Variants in SERPINI2 observed in about 807,000 individuals in gnomAD.
SERPINI2 encodes the protein serpin I2.
In SERPINI2, 48 loss-of-function variants were observed where a neutral mutation model predicts 47.3. The observed-to-expected ratio is 1.02, with a 90% CI of 0.81 to 1.29. The LOEUF is 1.29. SERPINI2 is among the 50% of genes most tolerant of loss of function. SERPINI2 has a pLI of 0.00. For missense variants in SERPINI2, 448 were observed against 456.9 expected (o/e 0.98, Z 0.18); for synonymous variants, 135 against 149.3 (o/e 0.90, Z 0.70).
chr3:167,444,763 T>C (rs976988775), intron 8 of SERPINI2, among the ~76,000 whole-genome samples: 1 of 152,174 alleles, frequency 6.6e-6, no homozygotes. Flanking sequence ...CAAACTGTCA[T>C]TAAGACCTGC....
At chr3:167,447,757 G>C (rs1471217483) in intron 7 of SERPINI2, among the ~76,000 whole-genome samples, 1 of 152,152 alleles carries the variant, frequency 6.6e-6, no homozygotes, top group African/African-American at 2.4e-5. Flanking sequence ...TGGAAAATTT[G>C]TCTACATGAT....
intron 5 of SERPINI2, among the ~76,000 whole-genome samples, chr3:167,454,219 G>A (rs1342468592): frequency 4.6e-5 from 7 of 152,220 alleles, no homozygotes; most frequent in Non-Finnish European, 1.0e-4. Flanking sequence ...TGGAAATACT[G>A]AATGAGCTTC....
chr3:167,471,818 A>G, exon 2 of SERPINI2: 1 of 1,611,096 alleles, frequency 6.2e-7, no homozygotes, highest in Admixed American at 1.7e-5. Flanking sequence ...AAGACTCCAC[A>G]AGAAGATTGT....
upstream of SERPINI2, among the ~76,000 whole-genome samples, chr3:167,476,220 T>C (rs548114995): frequency 6.6e-6 from 1 of 151,964 alleles, no homozygotes; most frequent in East Asian, 1.9e-4. Context: ...AGAAACAGTT[T>C]ATAATGCCTT....
chr3:167,445,756 A>G (rs936908097), intron 8 of SERPINI2, among the ~76,000 whole-genome samples: 2 of 152,160 alleles, frequency 1.3e-5, no homozygotes, highest in African/African-American at 4.8e-5. Flanking sequence ...TCTTACTCAC[A>G]AGAGAAAGTG....
chr3:167,465,211 G>T (rs760991181), exon 5 of SERPINI2: 1 of 1,607,520 alleles, frequency 6.2e-7, no homozygotes, highest in East Asian at 2.2e-5. Context: ...CCAACCTAGG[G>T]AGGCTTATTT....
intron 8 of SERPINI2, among the ~76,000 whole-genome samples, chr3:167,445,558 CCT>C (rs1336653502): frequency 6.6e-6 from 1 of 152,076 alleles, no homozygotes; most frequent in African/African-American, 2.4e-5. Flanking sequence ...AATTTCACAC[CCT>C]CTGTCTATAG....
At chr3:167,474,319 A>G (rs1298111091), upstream of SERPINI2, among the ~76,000 whole-genome samples, 1 of 151,746 alleles carries the variant, frequency 6.6e-6, no homozygotes, top group Non-Finnish European at 1.5e-5. Context: ...ATTTGAAAGG[A>G]TGCGCTACTG....
At chr3:167,471,220 G>C (rs1002227124) in intron 2 of SERPINI2, among the ~76,000 whole-genome samples, 3 of 152,018 alleles carry the variant, frequency 2.0e-5, no homozygotes, top group Non-Finnish European at 4.4e-5. Context: ...ACAACATAGT[G>C]ATAGTGGAAG....
At chr3:167,467,248 G>A (rs1750161899) in exon 3 of SERPINI2, 1 of 1,611,926 alleles carries the variant, frequency 6.2e-7, no homozygotes, top group African/African-American at 1.3e-5. Context: ...TCTCTGAGAT[G>A]GCAGAGAAAA....
chr3:167,455,403 C>G (rs75134983), intron 5 of SERPINI2, among the ~76,000 whole-genome samples: 141 of 151,930 alleles, frequency 9.3e-4, no homozygotes, highest in African/African-American at 3.3e-3. Flanking sequence ...GCCTCCAGGC[C>G]CTGTTGGGGA....
chr3:167,449,141 T>C (rs538894270), intron 7 of SERPINI2, among the ~76,000 whole-genome samples, 175 bp downstream of exon 7: 1 of 152,362 alleles, frequency 6.6e-6, no homozygotes, highest in Non-Finnish European at 1.5e-5. Flanking sequence ...TGTATCATGC[T>C]GTGACTGAAG....
chr3:167,475,142 T>A (rs1345953634), upstream of SERPINI2, among the ~76,000 whole-genome samples: 1 of 151,810 alleles, frequency 6.6e-6, no homozygotes, highest in African/African-American at 2.4e-5. Context: ...AAATGTTTTC[T>A]AGATCTTGAG....
chr3:167,475,173 C>T (rs1048195645), upstream of SERPINI2, among the ~76,000 whole-genome samples: 1 of 151,768 alleles, frequency 6.6e-6, no homozygotes, highest in African/African-American at 2.4e-5. Flanking sequence ...ATATTACCTA[C>T]TCTATCATAA....
At chr3:167,464,381 GA>G (rs1750074356) in intron 5 of SERPINI2, among the ~76,000 whole-genome samples, 1 of 152,052 alleles carries the variant, frequency 6.6e-6, no homozygotes. Flanking sequence ...AGGGATAAAG[GA>G]GACAAAAACA....
chr3:167,455,602 AAAAAGAAAAG>A (rs1553855172), intron 5 of SERPINI2, among the ~76,000 whole-genome samples: 107 of 150,960 alleles, frequency 7.1e-4, no homozygotes, highest in African/African-American at 2.0e-3. Flanking sequence ...TCAAAAAAAA[AAAAAGAAAAG>A]AAAAGAAAAG....
At chr3:167,452,753 A>T (rs1462886976) in intron 6 of SERPINI2, among the ~76,000 whole-genome samples, 183 bp downstream of exon 6, 1 of 152,120 alleles carries the variant, frequency 6.6e-6, no homozygotes. Context: ...TTTGACTTTC[A>T]TTAAGAAAAA....
chr3:167,442,302 ATAGG>A lies in SERPINI2; in HGVS notation c.1142-121_1142-118del, dbSNP rs1749350991. On this transcript the variant is annotated intron_variant, in intron 8 of 8. Transcript: ENST00000264677. ...TTGGTCTTTTTTCTCTGTAAGATAA[ATAGG>A]CAGTGTCTAATAGCAAAGCCTTCTC... is the stretch of plus-strand genomic sequence containing the variant. The A allele has an allele frequency of 1.2e-5, 8 of 646,302 alleles. No individual in the cohort carries two copies. The South Asian group carries it at 2.0e-4, about 16-fold the overall frequency. The allele number at this position is 646,302 out of a possible 1,614,324, so 40.0% of individuals were successfully genotyped here.
rs755024944 is a variant in SERPINI2 at position 167,471,578 on chromosome 3, A to G, written c.247+10T>C. The G allele has an allele frequency of 3.7e-6, 6 of 1,611,232 alleles. No homozygotes were observed. Among genetic ancestry groups the G allele is most frequent in the Non-Finnish European group, 5.1e-6 (6 of 1,177,866 alleles). The stretch of plus-strand genomic sequence containing the variant: ...TATCCAGTATAAGTAAGGAGATGTA[A>G]GAGTCTCACCAGCTGAGGTTTCCTG... On this transcript the variant is annotated intron_variant, in intron 2 of 8. Transcript: ENST00000264677.
Sources: gnomAD v4.1 joint callset for allele counts (sites outside exome capture counted in the v4.1 genomes callset) on GRCh38, gnomAD v4.1.1 for gene constraint, MANE v1.5 for transcripts, NCBI Gene and HGNC (gene_info 2026-07-23, HGNC 2026-07-21) for gene names.